SLC12A7: variants seen among roughly 807,000 people sequenced by gnomAD.
SLC12A7 encodes K-Cl cotransporter 4.
Under a neutral mutation model 120.6 loss-of-function variants are expected in SLC12A7, and 100 were observed. The ratio of observed to expected loss-of-function variants is 0.83; its 90% CI spans 0.71 to 0.98. SLC12A7 has a LOEUF of 0.98. Ranked by LOEUF, SLC12A7 falls within the 50% of genes least tolerant of loss-of-function variation. The pLI is 0.00. For missense variants in SLC12A7, 1,373 were observed against 1,548.1 expected (o/e 0.89, Z 1.90); for synonymous variants, 760 against 678.0 (o/e 1.12, Z -1.88).
At chr5:1,115,739 C>T (rs554689905), upstream of SLC12A7, among the ~76,000 whole-genome samples, 42 of 151,948 alleles carry the variant, frequency 2.8e-4, no homozygotes, top group African/African-American at 6.0e-4. Flanking sequence ...CTGGCAGGGC[C>T]GGGCACCCAC....
the SLC12A7 span, among the ~76,000 whole-genome samples, chr5:1,147,497 C>T: frequency 4.6e-5 from 7 of 152,182 alleles, no homozygotes; most frequent in Middle Eastern, 3.4e-3. Context: ...CTCTCGGGGC[C>T]GCCTCCTGGA....
chr5:1,152,917 G>A, the SLC12A7 span, among the ~76,000 whole-genome samples: 2 of 152,240 alleles, frequency 1.3e-5, no homozygotes, highest in Admixed American at 6.5e-5. Context: ...GGTCAGCCCA[G>A]GACAAATGGC....
At chr5:1,119,596 C>T in the SLC12A7 span, among the ~76,000 whole-genome samples, 1 of 152,262 alleles carries the variant, frequency 6.6e-6, no homozygotes, top group East Asian at 1.9e-4. Context: ...CCCTGACCGT[C>T]GGGCAGCGAC....
At chr5:1,120,377 G>A in the SLC12A7 span, among the ~76,000 whole-genome samples, 1 of 152,366 alleles carries the variant, frequency 6.6e-6, no homozygotes, top group Non-Finnish European at 1.5e-5. Flanking sequence ...TGAACCCGGA[G>A]GACAAGAGGG....
At chr5:1,154,922 A>G in the SLC12A7 span, among the ~76,000 whole-genome samples, 6 of 152,262 alleles carry the variant, frequency 3.9e-5, no homozygotes, top group African/African-American at 1.4e-4. Flanking sequence ...CAGCTCAGGG[A>G]CATCTGTCCT....
intron 1 of SLC12A7, among the ~76,000 whole-genome samples, chr5:1,108,109 T>C (rs959545631): frequency 1.1e-4 from 17 of 152,156 alleles, no homozygotes; most frequent in African/African-American, 4.1e-4. Flanking sequence ...TGTGTACATA[T>C]ATGTGCACAT....
chr5:1,136,652 TGTGCTCAGACACCAACACCAGGACACGC>T, the SLC12A7 span, among the ~76,000 whole-genome samples: 8 of 55,232 alleles, frequency 1.4e-4, no homozygotes, highest in African/African-American at 8.9e-4. Flanking sequence ...CAGGCACACA[TGTGCTCAGACACCAACACCAGGACACGC>T]AGGCACACAC....
intron 17 of SLC12A7, among the ~76,000 whole-genome samples, chr5:1,066,521 A>C (rs537112801): frequency 6.6e-6 from 1 of 152,194 alleles, no homozygotes; most frequent in Non-Finnish European, 1.5e-5. Context: ...CAGTGGGTTG[A>C]ATAGTGCCCC....
At chr5:1,083,623 GGCT>G (rs1739465043) in intron 8 of SLC12A7, 119 bp downstream of exon 8, 1 of 1,009,002 alleles carries the variant, frequency 9.9e-7, no homozygotes, top group African/African-American at 1.6e-5. Context: ...GCTGGGAAGG[GGCT>G]CGGCCAGGCA....
rs369218517 is a variant in SLC12A7, at chr5:1,064,241, C to T, written c.2449G>A (p.Asp817Asn). 1.6e-5 allele frequency: 26 copies of T among 1,610,136 alleles called. No individual in the cohort carries two copies. Among genetic ancestry groups the T allele is most frequent in the Admixed American group, 1.3e-4 (8 of 59,690 alleles). ...SWKNFVDTVR[D>N]TTAAHQALLV... Reference sequence around the variant, plus strand: ...AGAGCCTGGTGCGCGGCGGTGGTGTCGCGGACGGTGTCTGCGGAGAGAGGC... The same window carrying T: ...AGAGCCTGGTGCGCGGCGGTGGTGTTGCGGACGGTGTCTGCGGAGAGAGGC... Residue 817 changes from aspartate to asparagine, a missense_variant, in exon 19 of 24, where the codon GAC becomes AAC. Physicochemically the swap from Asp to Asn is conservative, Grantham distance 23. Transcript: ENST00000264930.
At chr5:1,058,025 G>T (rs933492024) in intron 21 of SLC12A7, among the ~76,000 whole-genome samples, 2 of 152,018 alleles carry the variant, frequency 1.3e-5, no homozygotes, top group Non-Finnish European at 2.9e-5. Context: ...AGGCGTCCCC[G>T]TCTCAGGGAG....
the SLC12A7 span, among the ~76,000 whole-genome samples, chr5:1,131,635 C>A: frequency 3.9e-5 from 6 of 152,206 alleles, no homozygotes; most frequent in African/African-American, 1.4e-4. Flanking sequence ...AGGGCTGCCT[C>A]CCTTGGGGCC....
the SLC12A7 span, among the ~76,000 whole-genome samples, chr5:1,117,752 C>T: frequency 3.3e-5 from 5 of 152,330 alleles, no homozygotes; most frequent in East Asian, 3.9e-4. The surrounding 1 kb of genome is among the most constrained non-coding windows in gnomAD (Gnocchi z 4.5). Context: ...GGCTCACTGG[C>T]TTCCTCACCC....
rs749400800 is a variant in SLC12A7, at chr5:1,063,993, A to G, written c.2608-18T>C. The G allele has an allele frequency of 5.6e-6, 9 of 1,611,120 alleles. No homozygotes were observed. The highest frequency in any genetic ancestry group is 4.5e-5 in the East Asian group (2 of 44,856). On this transcript the variant is annotated intron_variant, in intron 19 of 23. Transcript: ENST00000264930. ...CTCCACACCTGCAGACAGGGAGGGC[A>G]TGGCTGTGGGGCCTCAGAGGAGCCC...
At chr5:1,074,951 C>T (rs961001603) in intron 15 of SLC12A7, among the ~76,000 whole-genome samples, 1 of 152,000 alleles carries the variant, frequency 6.6e-6, no homozygotes, top group East Asian at 1.9e-4. Flanking sequence ...AGGCCCATGA[C>T]AGGGAAGTGG....
At chr5:1,080,032 C>T (rs374880925) in intron 9 of SLC12A7, among the ~76,000 whole-genome samples, 43 of 152,196 alleles carry the variant, frequency 2.8e-4, no homozygotes, top group African/African-American at 8.9e-4. Context: ...GGCCACTTCA[C>T]GCCTGGCTCG....
At chr5:1,126,335 C>G in the SLC12A7 span, among the ~76,000 whole-genome samples, 1 of 152,186 alleles carries the variant, frequency 6.6e-6, no homozygotes. Flanking sequence ...GTAATCTGAT[C>G]GCCTCGGCCT....
intron 17 of SLC12A7, among the ~76,000 whole-genome samples, chr5:1,066,842 C>G (rs1737107218): frequency 6.6e-6 from 1 of 152,164 alleles, no homozygotes; most frequent in African/African-American, 2.4e-5. Flanking sequence ...CCTGCGGTCT[C>G]CTTCATCTCA....
chr5:1,120,142 A>G, the SLC12A7 span, among the ~76,000 whole-genome samples: 9 of 152,266 alleles, frequency 5.9e-5, no homozygotes, highest in African/African-American at 2.2e-4. Context: ...GACACTCAGA[A>G]TCATGGCTGC....
Sources: allele counts gnomAD v4.1 joint callset (sites outside exome capture counted in the v4.1 genomes callset), GRCh38; gene constraint gnomAD v4.1.1; non-coding constraint Gnocchi (gnomAD v3.1); transcripts MANE v1.5; gene names NCBI Gene and HGNC (gene_info 2026-07-23, HGNC 2026-07-21).